The following EPB41L1 variants were observed in gnomAD, a reference collection of about 807,000 sequenced individuals.
The protein encoded by EPB41L1 is band 4.1-like protein 1.
In EPB41L1, 29 loss-of-function variants were observed where a neutral mutation model predicts 97.8. The observed-to-expected ratio is 0.30, with a 90% confidence interval of 0.22 to 0.40. EPB41L1 has a LOEUF of 0.40. Among genes scored for constraint, EPB41L1 ranks in the 10% least tolerant of loss-of-function variants. The pLI, the probability that EPB41L1 is intolerant of heterozygous loss-of-function variation, is 1.00. For missense variants in EPB41L1, 812 were observed against 1,162.3 expected (o/e 0.70, Z 4.38); for synonymous variants, 383 against 459.2 (o/e 0.83, Z 2.12).
intron 1 of EPB41L1, among the ~76,000 whole-genome samples, chr20:36,161,990 C>T (rs2060548639): frequency 6.6e-6 from 1 of 152,218 alleles, no homozygotes; most frequent in African/African-American, 2.4e-5. Flanking sequence ...TCTCAAACTC[C>T]TGGGCTCAAG....
chr20:36,197,808 C>T (rs766358903), intron 13 of EPB41L1, 51 bp from the exon 14 acceptor site: 1 of 1,613,710 alleles, frequency 6.2e-7, no homozygotes, highest in South Asian at 1.1e-5. Flanking sequence ...ACCCTGCATC[C>T]CCGCTTGGAG....
Position 36,094,150 on chromosome 20 carries a change from A to G in EPB41L1, c.-65+2538A>G, listed in dbSNP as rs143870531. ...GTGTACTTCTTGTACATTTGGGTGT[A>G]TAGTGAACAGTGAAAATGTATCTCT... On this transcript the variant is annotated intron_variant, in intron 1 of 19. Coordinates refer to the EPB41L1 transcript ENST00000202028. 2.7e-3 allele frequency among the ~76,000 whole-genome samples: 418 copies of G among 152,296 alleles called. 10 individuals carry two copies. In the East Asian group the frequency reaches 0.049, roughly 18 times the overall value.
At chr20:36,172,065 T>C (rs2061014299) in intron 1 of EPB41L1, among the ~76,000 whole-genome samples, 1 of 152,118 alleles carries the variant, frequency 6.6e-6, no homozygotes, top group Non-Finnish European at 1.5e-5. Context: ...AAAGTACGTA[T>C]GTATATTTTA....
chr20:36,179,866 C>T (rs111983424), intron 5 of EPB41L1, among the ~76,000 whole-genome samples: 8 of 152,288 alleles, frequency 5.3e-5, no homozygotes, highest in Non-Finnish European at 8.8e-5. Flanking sequence ...GTGCACTCCT[C>T]GGGGGGCTGA....
At chr20:36,163,057 T>C (rs1354073693) in intron 1 of EPB41L1, among the ~76,000 whole-genome samples, 1 of 151,842 alleles carries the variant, frequency 6.6e-6, no homozygotes, top group East Asian at 1.9e-4. Flanking sequence ...ACTGGGGAAG[T>C]CCCCTTGGGA....
chr20:36,202,646 T>A (rs1600922059), intron 14 of EPB41L1, among the ~76,000 whole-genome samples: 1 of 150,680 alleles, frequency 6.6e-6, no homozygotes, highest in Admixed American at 6.6e-5. Context: ...ATACAAATAA[T>A]AATAATAATA....
In EPB41L1 at chr20:36,207,689, C is replaced by T; in HGVS notation, c.1669-1799C>T. 7.8e-7 allele frequency: 1 copy of T among 1,290,156 alleles called. No individual in the cohort carries two copies. Among genetic ancestry groups the T allele is most frequent in the Non-Finnish European group, 1.0e-6 (1 of 988,940 alleles). 79.9% of individuals were successfully genotyped at this position (1,290,156 alleles called of 1,614,324 possible). ...ACCAGACACTTCAGGGAGGACACTT[C>T]TGCATCCTACCAGGAAGCACACACG... On this transcript the variant is annotated intron_variant, in intron 14 of 21. Transcript: ENST00000338074. This position sits in a 1 kb window ranked among gnomAD's most constrained non-coding sequence, Gnocchi z 4.9.
At chr20:36,187,509 G>C (rs995081130) in intron 7 of EPB41L1, among the ~76,000 whole-genome samples, 167 bp from the exon 8 acceptor site, 1 of 152,216 alleles carries the variant, frequency 6.6e-6, no homozygotes, top group Non-Finnish European at 1.5e-5. Flanking sequence ...GCTGAAGTGG[G>C]AGTTGGGGTA....
Position 36,188,425 on chromosome 20 carries a change from C to A in EPB41L1, c.952C>A (p.Arg318Ser). The change falls in exon 9 of 22, where the codon CGC becomes AGC. Residue 318 changes from arginine to serine, a missense_variant. By Grantham distance (110) the Arg-to-Ser change is moderately radical. Transcript: ENST00000338074. ...LIYRDRLRINRFAWPKILKIS... is the reference protein window; with the variant it reads ...LIYRDRLRINSFAWPKILKIS... ...CTACCGGGACCGGCTGAGAATCAAC[C>A]GCTTTGCCTGGCCCAAGATCCTCAA... 6.2e-7 allele frequency: 1 copy of A among 1,613,970 alleles called. No homozygotes were observed. Among genetic ancestry groups the A allele is most frequent in the South Asian group, 1.1e-5 (1 of 91,054 alleles).
In EPB41L1 at chr20:36,190,642, C is replaced by A; in HGVS notation, c.1145C>A (p.Pro382Gln). 6.2e-7 allele frequency: 1 copy of A among 1,612,592 alleles called. No homozygotes were observed. Among genetic ancestry groups the A allele is most frequent in the Non-Finnish European group, 8.5e-7 (1 of 1,179,394 alleles). The change falls in exon 11 of 22, where the codon CCA becomes CAA. Residue 382 changes from proline (P) to glutamine (Q), a missense_variant. This residue lies in a region of EPB41L1 where 230 missense variants were observed against 445.2 expected (regional missense o/e 0.52). Coordinates refer to ENST00000338074, the MANE Select transcript of EPB41L1 (RefSeq NM_012156.2). This position sits in a 1 kb window ranked among gnomAD's most constrained non-coding sequence, Gnocchi z 5.8. ...TGCAGGCTGGTGTCCCCTGAGCCCCCACCCAAGGGCTTCCTGGTGATGGGC... is the reference window on the plus strand; with the variant it reads ...TGCAGGCTGGTGTCCCCTGAGCCCCAACCCAAGGGCTTCCTGGTGATGGGC... ...TFFRLVSPEP[P>Q]PKGFLVMGSK...
At chr20:36,197,810 C>T (rs45439294) in intron 13 of EPB41L1, 49 bp from the exon 14 acceptor site, 58,832 of 1,613,688 alleles carry the variant, frequency 0.036, 1,889 homozygotes, top group South Asian at 0.15. Flanking sequence ...CCTGCATCCC[C>T]GCTTGGAGCT....
At chr20:36,178,985 G>A (rs1052650638) in intron 5 of EPB41L1, among the ~76,000 whole-genome samples, 6 of 151,296 alleles carry the variant, frequency 4.0e-5, no homozygotes, top group South Asian at 2.1e-4. Context: ...TGCCTCAAGC[G>A]ATTCTCTTGG....
chr20:36,139,913 T>C (rs2147817811), intron 2 of EPB41L1, among the ~76,000 whole-genome samples: 1 of 152,140 alleles, frequency 6.6e-6, no homozygotes, highest in African/African-American at 2.4e-5. Context: ...GTATTTTTAG[T>C]AGAGATGGAG....
chr20:36,197,609 C>G, intron 13 of EPB41L1: 4 of 984,300 alleles, frequency 4.1e-6, no homozygotes, highest in Non-Finnish European at 3.6e-6. Flanking sequence ...AAGGGAGAAG[C>G]GAAGGTGGCT....
At chr20:36,229,218 C>A (rs1601147263) in intron 21 of EPB41L1, 114 bp from the exon 22 acceptor site, 1 of 898,956 alleles carries the variant, frequency 1.1e-6, no homozygotes, top group Non-Finnish European at 1.8e-6. Flanking sequence ...GCAAAAACAA[C>A]CTCTTGCCAT....
chr20:36,209,534 G>A lies in EPB41L1; in HGVS notation c.1715G>A (p.Arg572His), dbSNP rs540306406. 12 of 1,613,878 alleles carry A rather than the reference G, an allele frequency of 7.4e-6. No homozygotes were observed. The Admixed American group carries it at 1.5e-4, about 20-fold the overall frequency. ...EGSEEKVKPP[R>H]PRAPESDTGD... ...TCCGAGGAGAAAGTCAAACCACCAC[G>A]TCCCCGGGCCCCAGAGAGTGACACA... The change falls in exon 15 of 22, where the codon CGT (arginine) becomes CAT (histidine). Residue 572 changes from arginine to histidine, a missense_variant. By Grantham distance (29) the Arg-to-His change is conservative. This residue lies in a region of EPB41L1 where 498 missense variants were observed against 622.7 expected (regional missense o/e 0.80). Coordinates refer to ENST00000338074, the MANE Select transcript of EPB41L1 (RefSeq NM_012156.2). The surrounding 1 kb of genome is among the most constrained non-coding windows in gnomAD (Gnocchi z 4.2).
intron 1 of EPB41L1, among the ~76,000 whole-genome samples, chr20:36,159,759 C>G (rs1489602998): frequency 6.6e-6 from 1 of 152,176 alleles, no homozygotes; most frequent in Non-Finnish European, 1.5e-5. Flanking sequence ...TCACTATCTT[C>G]GAGGGGAATA....
chr20:36,206,733 T>C lies in EPB41L1; in HGVS notation c.1669-2755T>C, dbSNP rs1445167294. On this transcript the variant is annotated intron_variant, in intron 14 of 21. Coordinates refer to ENST00000338074, the MANE Select transcript of EPB41L1 (RefSeq NM_012156.2). The surrounding 1 kb of genome is among the most constrained non-coding windows in gnomAD (Gnocchi z 5.5). ...GATCTCCCGCAGGACAGACGTTTGC[T>C]GAAGGCTGGGAAGATGCCCAGTGGG... 2.3e-6 allele frequency: 3 copies of C among 1,289,762 alleles called. No individual in the cohort carries two copies. The Admixed American group carries it at 6.9e-5, about 30-fold the overall frequency. The allele number at this position is 1,289,762 out of a possible 1,614,324, so 79.9% of individuals were successfully genotyped here.
Position 36,185,226 on chromosome 20 carries a change from G to A in EPB41L1, c.676G>A (p.Asp226Asn). Residue 226 changes from aspartate (D) to asparagine (N), a missense_variant, in exon 7 of 22, where the codon GAC becomes AAC. This residue lies in a region of EPB41L1 where 230 missense variants were observed against 445.2 expected (regional missense o/e 0.52). Coordinates refer to ENST00000338074, the MANE Select transcript of EPB41L1 (RefSeq NM_012156.2). ...GSYAVQAELG[D>N]YDAEEHVGNY... ...CTACGCTGTGCAGGCTGAGCTGGGT[G>A]ACTATGATGCTGAGGAGCATGTGGG... is the stretch of plus-strand genomic sequence containing the variant. The A allele has an allele frequency of 1.2e-6, 2 of 1,613,902 alleles. No individual in the cohort carries two copies. Among genetic ancestry groups the A allele is most frequent in the Non-Finnish European group, 1.7e-6 (2 of 1,180,052 alleles).
Sources: allele counts gnomAD v4.1 joint callset (sites outside exome capture counted in the v4.1 genomes callset), GRCh38; gene constraint gnomAD v4.1.1; regional missense constraint gnomAD v4.1.1; non-coding constraint Gnocchi (gnomAD v3.1); transcripts MANE v1.5; gene names NCBI Gene and HGNC (gene_info 2026-07-23, HGNC 2026-07-21).